The following HERC1 variants were observed in gnomAD, a reference collection of about 807,000 sequenced individuals.
The protein encoded by HERC1 is HECT and RLD domain containing E3 ubiquitin protein ligase family member 1, also known as probable E3 ubiquitin-protein ligase HERC1.
A neutral mutation model predicts 554.3 loss-of-function variants in HERC1; 160 were observed. The ratio of observed to expected loss-of-function variants is 0.29; its 90% CI spans 0.25 to 0.33. The LOEUF (loss-of-function observed/expected upper bound fraction) is 0.33. Ranked by LOEUF, HERC1 falls within the 10% of genes least tolerant of loss-of-function variation. The pLI is 1.00. For synonymous variants in HERC1, 2,175 were observed against 2,131.7 expected (o/e 1.02, Z -0.56); for missense variants, 4,919 against 5,918.5 (o/e 0.83, Z 5.54).
In HERC1 at chr15:63,638,503, A is replaced by C. The variant is rs1177171990; in HGVS notation, c.12001T>G (p.Leu4001Val). 1.2e-6 allele frequency: 2 copies of C among 1,613,764 alleles called. No homozygotes were observed. The highest frequency in any genetic ancestry group is 1.7e-6 in the Non-Finnish European group (2 of 1,179,818). Reference sequence around the variant, plus strand: ...TGTCCATGCCTACCAGCACCCCATAAGTAGACATCACATTTACCTCCCAGG... The same window carrying C: ...TGTCCATGCCTACCAGCACCCCATACGTAGACATCACATTTACCTCCCAGG... ...WHLGGKCDVYLWGAGRHGQLA... is the reference protein window; with the variant it reads ...WHLGGKCDVYVWGAGRHGQLA... The change falls in exon 63 of 78, where the codon TTA (leucine) becomes GTA (valine). Residue 4001 changes from leucine to valine, a missense_variant. Leu to Val is a conservative substitution (Grantham distance 32). Coordinates refer to ENST00000443617, the MANE Select transcript of HERC1 (RefSeq NM_003922.4).
At chr15:63,786,810 G>GC (rs1276419090) in intron 1 of HERC1, among the ~76,000 whole-genome samples, 53 of 152,270 alleles carry the variant, frequency 3.5e-4, no homozygotes, top group African/African-American at 1.3e-3. Context: ...AAATGTTTTG[G>GC]AACTAGAGAC....
At position 63,677,020 on chromosome 15, in the gene HERC1, A is replaced by T. The variant is rs2071246452; in HGVS notation, c.7070+825T>A. Among the ~76,000 whole-genome samples the T allele has an allele frequency of 6.6e-6, 1 of 152,140 alleles. No homozygotes were observed. Among genetic ancestry groups the T allele is most frequent in the South Asian group, 2.1e-4 (1 of 4,830 alleles). On this transcript the variant is annotated intron_variant, in intron 37 of 77. Transcript: ENST00000443617. This position sits in a 1 kb window ranked among gnomAD's most constrained non-coding sequence, Gnocchi z 4.4. ...GTTCTGGATTTCAGATTTTTTTCCCAAATTTTGGAATATTTACATTGTACT... is the reference window on the plus strand; with the variant it reads ...GTTCTGGATTTCAGATTTTTTTCCCTAATTTTGGAATATTTACATTGTACT...
intron 39 of HERC1, among the ~76,000 whole-genome samples, chr15:63,672,256 C>T (rs2070971852): frequency 6.6e-6 from 1 of 152,114 alleles, no homozygotes; most frequent in Non-Finnish European, 1.5e-5. Context: ...ACTTGCTGGT[C>T]AGCACGACAG....
intron 74 of HERC1, among the ~76,000 whole-genome samples, chr15:63,619,205 A>T (rs1460554357): frequency 1.3e-5 from 2 of 152,192 alleles, no homozygotes; most frequent in African/African-American, 2.4e-5. Context: ...TTTAGCATGA[A>T]GCGTTGTTGA....
chr15:63,789,528 T>C (rs923947081), intron 1 of HERC1, among the ~76,000 whole-genome samples: 2 of 152,048 alleles, frequency 1.3e-5, no homozygotes, highest in African/African-American at 4.8e-5. Context: ...TCCGGCATGG[T>C]GGCTTACGCC....
chr15:63,703,586 A>C (rs1156883079), intron 25 of HERC1, among the ~76,000 whole-genome samples: 2 of 151,986 alleles, frequency 1.3e-5, no homozygotes, highest in Non-Finnish European at 2.9e-5. Flanking sequence ...GGAAGGGGTA[A>C]ACAAGCACAT....
intron 1 of HERC1, among the ~76,000 whole-genome samples, chr15:63,794,551 A>G (rs1173649624): frequency 6.6e-6 from 1 of 152,322 alleles, no homozygotes; most frequent in South Asian, 2.1e-4. Flanking sequence ...AGAGGTGACC[A>G]GGCATCAGCA....
At chr15:63,748,037 C>A (rs1333315898) in intron 10 of HERC1, among the ~76,000 whole-genome samples, 179 bp from the exon 11 acceptor site, 1 of 152,036 alleles carries the variant, frequency 6.6e-6, no homozygotes, top group Non-Finnish European at 1.5e-5. Context: ...ACCAGCCTGG[C>A]CAACATGGTG....
At chr15:63,802,159 C>T (rs1002953666) in intron 1 of HERC1, among the ~76,000 whole-genome samples, 1 of 92,646 alleles carries the variant, frequency 1.1e-5, no homozygotes, top group Non-Finnish European at 3.1e-5. Context: ...GGTCTCCCCA[C>T]TCCTGCCACA....
intron 1 of HERC1, among the ~76,000 whole-genome samples, chr15:63,813,284 C>T (rs2077387201): frequency 6.6e-6 from 1 of 150,964 alleles, no homozygotes; most frequent in African/African-American, 2.4e-5. Context: ...CCTCCCACCA[C>T]TACAACAGTA....
intron 1 of HERC1, among the ~76,000 whole-genome samples, chr15:63,813,805 C>T (rs1035321293): frequency 1.1e-4 from 17 of 152,264 alleles, no homozygotes; most frequent in African/African-American, 3.9e-4. Context: ...TGGTGGCTCG[C>T]GCCTGTAATC....
chr15:63,816,927 T>C (rs1338966960), intron 1 of HERC1, among the ~76,000 whole-genome samples: 1 of 151,526 alleles, frequency 6.6e-6, no homozygotes, highest in Non-Finnish European at 1.5e-5. Flanking sequence ...ACCTTACATA[T>C]CTCCCGATGG....
Position 63,677,913 on chromosome 15 carries a change from C to T in HERC1, c.7002G>A (p.Leu2334=). The T allele has an allele frequency of 6.2e-7, 1 of 1,614,030 alleles. No individual in the cohort carries two copies. Among genetic ancestry groups the T allele is most frequent in the Non-Finnish European group, 8.5e-7 (1 of 1,179,892 alleles). Residue 2334 remains leucine, a synonymous_variant, in exon 37 of 78, where the codon CTG becomes CTA. Coordinates refer to ENST00000443617, the MANE Select transcript of HERC1 (RefSeq NM_003922.4). This position sits in a 1 kb window ranked among gnomAD's most constrained non-coding sequence, Gnocchi z 4.4. ...VHKQTGRHAT[L]LGVVKEGSTS... ...TGCTGCCCTCTTTGACCACTCCCAG[C>T]AGCGTGGCATGGCGCCCAGTTTGCT...
chr15:63,642,274 T>C (rs2069104755), intron 59 of HERC1, among the ~76,000 whole-genome samples: 1 of 152,216 alleles, frequency 6.6e-6, no homozygotes, highest in Non-Finnish European at 1.5e-5. Context: ...AGCCAAGATA[T>C]ATTTTGTATA....
At chr15:63,824,938 G>A (rs1596332728) in intron 1 of HERC1, among the ~76,000 whole-genome samples, 1 of 152,046 alleles carries the variant, frequency 6.6e-6, no homozygotes, top group South Asian at 2.1e-4. Context: ...ACAGTGGCTA[G>A]GAGAGTAGGG....
At chr15:63,766,298 A>G (rs1184518578) in intron 2 of HERC1, among the ~76,000 whole-genome samples, 4 of 151,898 alleles carry the variant, frequency 2.6e-5, no homozygotes, top group Admixed American at 2.6e-4. Context: ...TATCATTAAA[A>G]GCATATTAGC....
At chr15:63,648,370 T>C (rs1566970957) in intron 54 of HERC1, among the ~76,000 whole-genome samples, 171 bp from the exon 55 acceptor site, 1 of 152,252 alleles carries the variant, frequency 6.6e-6, no homozygotes, top group Non-Finnish European at 1.5e-5. Context: ...GGATTCCATG[T>C]AACATACTTT....
intron 1 of HERC1, among the ~76,000 whole-genome samples, chr15:63,832,170 G>C (rs2078177239): frequency 6.6e-6 from 1 of 152,136 alleles, no homozygotes; most frequent in African/African-American, 2.4e-5. Flanking sequence ...GAAATATTAT[G>C]ACTGTTCTTT....
rs1231055641 is a variant in HERC1, at chr15:63,608,864, A to T, written c.*217T>A. ...CCAAAAATATGGAGGGAAAAACCTGACTGAGAGCACTTCGTTTTTGTTGTT... is the reference window on the plus strand; with the variant it reads ...CCAAAAATATGGAGGGAAAAACCTGTCTGAGAGCACTTCGTTTTTGTTGTT... On this transcript the variant is annotated 3_prime_UTR_variant, in exon 78 of 78. Coordinates refer to ENST00000443617, the MANE Select transcript of HERC1 (RefSeq NM_003922.4). 6 of 424,486 alleles carry T rather than the reference A, an allele frequency of 1.4e-5. No homozygotes were observed. The highest frequency in any genetic ancestry group is 2.5e-5 in the Non-Finnish European group (6 of 244,178). The allele number at this position is 424,486 out of a possible 1,614,324, so 26.3% of individuals were successfully genotyped here. A position where few individuals can be genotyped will look rare whatever the true frequency, so the allele number is the denominator to read the frequency against.
Sources: gnomAD v4.1 joint callset for allele counts (sites outside exome capture counted in the v4.1 genomes callset) on GRCh38, gnomAD v4.1.1 for gene constraint, Gnocchi (gnomAD v3.1) non-coding constraint, MANE v1.5 for transcripts, NCBI Gene and HGNC (gene_info 2026-07-23, HGNC 2026-07-21) for gene names.